The following NF1 variants were observed in gnomAD, a reference collection of about 807,000 sequenced individuals.
NF1 encodes the protein neurofibromin.
In NF1, 122 loss-of-function variants were observed where a neutral mutation model predicts 325.7. The ratio of observed to expected loss-of-function variants is 0.37; its 90% confidence interval spans 0.32 to 0.44. The LOEUF (loss-of-function observed/expected upper bound fraction) is 0.44. Among genes scored for constraint, NF1 ranks in the 20% least tolerant of loss-of-function variants. The pLI is 1.00. For missense variants in NF1, 2,140 were observed against 3,415.4 expected, an observed-to-expected ratio of 0.63 and a Z score of 9.31; for synonymous variants, 1,091 against 1,186.0, an observed-to-expected ratio of 0.92 and a Z score of 1.65.
intron 57 of NF1, 86 bp from the exon 58 acceptor site, chr17:31,373,927 C>A (rs2151600912): frequency 1.3e-6 from 2 of 1,534,860 alleles, no homozygotes; most frequent in Non-Finnish European, 1.8e-6. Flanking sequence ...TAGAATGTGT[C>A]CCCGTTGTTA....
chr17:31,262,005 T>C (rs1478278999), intron 35 of NF1, 148 bp downstream of exon 35: 13 of 676,176 alleles, frequency 1.9e-5, no homozygotes, highest in Non-Finnish European at 3.0e-5. Flanking sequence ...TCCAACTATA[T>C]ATTATTTATA....
intron 36 of NF1, among the ~76,000 whole-genome samples, chr17:31,286,648 A>G (rs893694570): frequency 2.6e-5 from 4 of 152,222 alleles, no homozygotes; most frequent in African/African-American, 9.7e-5. Flanking sequence ...TGTCATTGGT[A>G]TAAGGAATAC....
At chr17:31,212,670 A>T (rs2066748987) in intron 12 of NF1, among the ~76,000 whole-genome samples, 1 of 152,218 alleles carries the variant, frequency 6.6e-6, no homozygotes, top group African/African-American at 2.4e-5. Context: ...AGATCGCGCC[A>T]CTGCACTCCA....
At chr17:31,239,649 G>A (rs2067261248) in intron 29 of NF1, among the ~76,000 whole-genome samples, 1 of 151,724 alleles carries the variant, frequency 6.6e-6, no homozygotes, top group Admixed American at 6.6e-5. Flanking sequence ...TTTTTTGTGG[G>A]TACATAGTAG....
At chr17:31,317,368 A>AACGC (rs34766876) in intron 36 of NF1, among the ~76,000 whole-genome samples, 5 of 144,562 alleles carry the variant, frequency 3.5e-5, no homozygotes, top group South Asian at 2.2e-4. Flanking sequence ...TCCAGATTTG[A>AACGC]ACACACACAC....
intron 36 of NF1, chr17:31,308,015 C>T: frequency 1.1e-6 from 1 of 910,654 alleles, no homozygotes; most frequent in African/African-American, 1.7e-5. Flanking sequence ...ATAATTCAAG[C>T]CTGAATTTTA....
At chr17:31,247,590 G>T (rs1402235343) in intron 29 of NF1, among the ~76,000 whole-genome samples, 1 of 152,152 alleles carries the variant, frequency 6.6e-6, no homozygotes, top group Non-Finnish European at 1.5e-5. Context: ...TTCTTATACA[G>T]TACTAGTTTT....
chr17:31,332,481 GAATA>G (rs761240017), intron 39 of NF1, among the ~76,000 whole-genome samples: 1 of 151,112 alleles, frequency 6.6e-6, no homozygotes, highest in African/African-American at 2.5e-5. Context: ...ATAAATGAAT[GAATA>G]AATGAATGAA....
chr17:31,223,371 C>T (rs1454120281), intron 15 of NF1, 73 bp from the exon 16 acceptor site: 22 of 1,545,640 alleles, frequency 1.4e-5, no homozygotes, highest in Non-Finnish European at 1.9e-5. Flanking sequence ...GGGAGAATGC[C>T]ATTCTTATGT....
intron 12 of NF1, among the ~76,000 whole-genome samples, chr17:31,213,976 T>A (rs1412188408): frequency 6.6e-6 from 1 of 152,196 alleles, no homozygotes; most frequent in Non-Finnish European, 1.5e-5. Context: ...CAGTTTTTCA[T>A]TCCTTTTGGG....
chr17:31,302,349 G>A (rs1008693635), intron 36 of NF1, among the ~76,000 whole-genome samples: 4 of 152,062 alleles, frequency 2.6e-5, no homozygotes, highest in African/African-American at 7.2e-5. Flanking sequence ...GTGGTAAAAA[G>A]GGGCAAAAAT....
intron 3 of NF1, among the ~76,000 whole-genome samples, chr17:31,160,652 G>C (rs752779560): frequency 8.5e-5 from 13 of 152,134 alleles, no homozygotes; most frequent in Non-Finnish European, 1.3e-4. Flanking sequence ...TTATTACTTT[G>C]ACTGCAAATT....
intron 5 of NF1, 84 bp downstream of exon 5, chr17:31,170,081 C>T: frequency 1.1e-6 from 1 of 870,868 alleles, no homozygotes; most frequent in Non-Finnish European, 1.9e-6. Context: ...ATTAATTGTG[C>T]TGAACTAGAA....
At chr17:31,296,577 T>G (rs937697290) in intron 36 of NF1, 8 of 499,832 alleles carry the variant, frequency 1.6e-5, no homozygotes, top group Non-Finnish European at 2.9e-5. Context: ...ATTTTCTCCT[T>G]TATTTTCTCT....
intron 1 of NF1, among the ~76,000 whole-genome samples, chr17:31,127,954 TTGCA>T (rs200408217): frequency 0.014 from 2,151 of 152,224 alleles, 28 homozygotes; most frequent in Admixed American, 0.024. Context: ...CTTCTGTACC[TTGCA>T]CTTCTGTTTT....
At chr17:31,132,493 T>C (rs1915463348) in intron 1 of NF1, among the ~76,000 whole-genome samples, 1 of 151,964 alleles carries the variant, frequency 6.6e-6, no homozygotes, top group Non-Finnish European at 1.5e-5. Context: ...TGAGTGGAGA[T>C]CATGCCGCTG....
chr17:31,334,822 G>C lies in NF1; in HGVS notation c.5813-16G>C, dbSNP rs1469442907. 1 of 1,590,656 alleles carries C rather than the reference G, an allele frequency of 6.3e-7. No homozygotes were observed. Among genetic ancestry groups the C allele is most frequent in the Admixed American group, 1.7e-5 (1 of 59,958 alleles). ...TTTCATTGACCATCACATGCTAATA[G>C]TGTATTTTTTTCCAGGTATTGAATT... On this transcript the variant is annotated splice_polypyrimidine_tract_variant and intron_variant, in intron 39 of 57. Coordinates refer to ENST00000358273, the MANE Select transcript of NF1 (RefSeq NM_001042492.3).
At chr17:31,260,310 C>CA in intron 33 of NF1, 59 bp from the exon 34 acceptor site, 4 of 1,552,468 alleles carry the variant, frequency 2.6e-6, no homozygotes, top group Non-Finnish European at 3.5e-6. Flanking sequence ...AAATTTAATT[C>CA]AAACATAAGT....
At chr17:31,288,019 C>T (rs1176754769) in intron 36 of NF1, among the ~76,000 whole-genome samples, 1 of 151,046 alleles carries the variant, frequency 6.6e-6, no homozygotes, top group Non-Finnish European at 1.5e-5. Context: ...CAGCATGGCA[C>T]ATGTATACAT....
Sources: allele counts gnomAD v4.1 joint callset (sites outside exome capture counted in the v4.1 genomes callset), GRCh38; gene constraint gnomAD v4.1.1; transcripts MANE v1.5; gene names NCBI Gene and HGNC (gene_info 2026-07-23, HGNC 2026-07-21).